The following DGKB variants were observed in gnomAD, a reference collection of about 807,000 sequenced individuals.
DGKB encodes the protein 90 kDa diacylglycerol kinase.
A neutral mutation model predicts 114.3 loss-of-function variants in DGKB; 67 were observed. That is an observed-to-expected ratio of 0.59 (90% CI 0.48 to 0.72). The LOEUF is 0.72. Among genes scored for constraint, DGKB ranks in the 30% least tolerant of loss-of-function variants. The pLI, the probability that DGKB is intolerant of heterozygous loss-of-function variation, is 0.00. For missense variants in DGKB, 907 were observed against 975.2 expected, an observed-to-expected ratio of 0.93 and a Z score of 0.93; for synonymous variants, 398 against 323.1, an observed-to-expected ratio of 1.23 and a Z score of -2.49.
chr7:14,471,272 G>A, intron 21 of DGKB, among the ~76,000 whole-genome samples: 2 of 142,276 alleles, frequency 1.4e-5, no homozygotes, highest in South Asian at 2.2e-4. Context: ...GAATATATGT[G>A]TATACATACA....
At chr7:14,167,502 A>T (rs777736429) in intron 25 of DGKB, among the ~76,000 whole-genome samples, 13 of 152,172 alleles carry the variant, frequency 8.5e-5, no homozygotes, top group South Asian at 2.1e-4. Context: ...GTAAAAAAAA[A>T]ATATCAGAGA....
At chr7:14,810,505 ATTT>A (rs1843295585) in intron 2 of DGKB, among the ~76,000 whole-genome samples, 1 of 152,212 alleles carries the variant, frequency 6.6e-6, no homozygotes, top group African/African-American at 2.4e-5. Flanking sequence ...AATTTTAATA[ATTT>A]ATTTTATTCA....
intron 21 of DGKB, among the ~76,000 whole-genome samples, chr7:14,377,551 A>AGATTTCTCCCT: frequency 6.6e-6 from 1 of 152,178 alleles, no homozygotes; most frequent in African/African-American, 2.4e-5. Flanking sequence ...ATCTTCTAGG[A>AGATTTCTCCCT]CAGGTATGAA....
At chr7:14,413,646 G>T (rs1294278753) in intron 21 of DGKB, among the ~76,000 whole-genome samples, 3 of 152,036 alleles carry the variant, frequency 2.0e-5, no homozygotes, top group Non-Finnish European at 2.9e-5. Flanking sequence ...AAGGGAAAAA[G>T]GGGGTTTCAG....
intron 20 of DGKB, among the ~76,000 whole-genome samples, chr7:14,502,236 A>G (rs1786306923): frequency 6.6e-6 from 1 of 151,912 alleles, no homozygotes; most frequent in Admixed American, 6.6e-5. Context: ...AGTCCAACTA[A>G]TCTGTTACCT....
intron 23 of DGKB, among the ~76,000 whole-genome samples, chr7:14,259,383 C>G (rs1015592941): frequency 3.5e-5 from 3 of 86,236 alleles, no homozygotes; most frequent in Admixed American, 2.3e-4. Flanking sequence ...TAAAGTTTCT[C>G]TCTCTCTCTC....
intron 2 of DGKB, among the ~76,000 whole-genome samples, chr7:14,838,564 G>C (rs10245925): frequency 0.1 from 15,905 of 151,632 alleles, 1,494 homozygotes; most frequent in East Asian, 0.29. Context: ...GTCAGTTGTT[G>C]TATTTTATTA....
intron 13 of DGKB, among the ~76,000 whole-genome samples, chr7:14,649,136 T>C (rs1387504855): frequency 2.7e-5 from 3 of 111,454 alleles, no homozygotes; most frequent in African/African-American, 6.9e-5. Context: ...ATTCAGGAAA[T>C]ACAGAGAACG....
At chr7:14,959,554 A>C (rs529300160) in intron 1 of DGKB, among the ~76,000 whole-genome samples, 1 of 152,142 alleles carries the variant, frequency 6.6e-6, no homozygotes, top group South Asian at 2.1e-4. Flanking sequence ...TTTGTAGCCT[A>C]GTAACCATGT....
At chr7:14,154,685 TA>T (rs148340926) in intron 25 of DGKB, among the ~76,000 whole-genome samples, 27 of 143,716 alleles carry the variant, frequency 1.9e-4, no homozygotes, top group South Asian at 1.1e-3. Context: ...AACTAATCCA[TA>T]AAAAAAAAAC....
chr7:14,598,373 T>G (rs1387407754), intron 17 of DGKB, among the ~76,000 whole-genome samples: 3 of 152,246 alleles, frequency 2.0e-5, no homozygotes, highest in Non-Finnish European at 4.4e-5. Context: ...AAAAGTCATT[T>G]GATCTAAACG....
chr7:14,310,191 C>T (rs1805144003), intron 23 of DGKB, among the ~76,000 whole-genome samples: 1 of 152,148 alleles, frequency 6.6e-6, no homozygotes, highest in South Asian at 2.1e-4. Flanking sequence ...GACCACTGGA[C>T]ACTCCATTTA....
At chr7:14,613,772 AG>A (rs1407573531) in intron 15 of DGKB, among the ~76,000 whole-genome samples, 2 of 151,980 alleles carry the variant, frequency 1.3e-5, no homozygotes, top group Admixed American at 6.6e-5. Flanking sequence ...TTGAGGAAAA[AG>A]GGATGAGAAG....
At chr7:14,854,374 A>C (rs1456708572) in intron 1 of DGKB, among the ~76,000 whole-genome samples, 2 of 152,176 alleles carry the variant, frequency 1.3e-5, no homozygotes, top group African/African-American at 4.8e-5. Flanking sequence ...ATTATAGTAG[A>C]TCAGCAGTCC....
chr7:14,284,716 A>C (rs1008588039), intron 23 of DGKB, among the ~76,000 whole-genome samples: 2 of 151,616 alleles, frequency 1.3e-5, no homozygotes, highest in African/African-American at 4.9e-5. Context: ...TTGTAGGGAC[A>C]TGGATGAAAT....
At chr7:14,597,145 T>C (rs577165288) in intron 17 of DGKB, among the ~76,000 whole-genome samples, 1 of 152,116 alleles carries the variant, frequency 6.6e-6, no homozygotes, top group African/African-American at 2.4e-5. Context: ...GAGGCGGAGC[T>C]TGCAGTGAGC....
intron 21 of DGKB, among the ~76,000 whole-genome samples, chr7:14,465,011 T>C (rs1563241946): frequency 6.6e-6 from 1 of 152,124 alleles, no homozygotes; most frequent in Non-Finnish European, 1.5e-5. Flanking sequence ...CGACTCTCAG[T>C]GGAAAAACTT....
chr7:14,714,512 A>G (rs931844798), intron 6 of DGKB, among the ~76,000 whole-genome samples: 4 of 152,138 alleles, frequency 2.6e-5, no homozygotes, highest in Non-Finnish European at 5.9e-5. Context: ...CAGAAGAGAA[A>G]CAGAAAAAAA....
chr7:14,731,295 T>C (rs1830879712), intron 5 of DGKB, among the ~76,000 whole-genome samples: 1 of 152,312 alleles, frequency 6.6e-6, no homozygotes, highest in South Asian at 2.1e-4. Flanking sequence ...AAGTGTTCCA[T>C]CTAAAATACA....
Sources: gnomAD v4.1 joint callset for allele counts (sites outside exome capture counted in the v4.1 genomes callset) on GRCh38, gnomAD v4.1.1 for gene constraint, MANE v1.5 for transcripts, NCBI Gene and HGNC (gene_info 2026-07-23, HGNC 2026-07-21) for gene names.